The following PRKN variants were observed in gnomAD, a reference collection of about 807,000 sequenced individuals.
PRKN encodes the protein parkin RBR E3 ubiquitin protein ligase.
A neutral mutation model predicts 59.5 loss-of-function variants in PRKN; 56 were observed. That is an observed-to-expected ratio of 0.94 (90% CI 0.76 to 1.18). The LOEUF is 1.18. PRKN is among the 50% of genes most tolerant of loss of function. The pLI is 0.00. For missense variants in PRKN, 657 were observed against 596.4 expected (o/e 1.10, Z -1.06); for synonymous variants, 250 against 222.1 (o/e 1.13, Z -1.12).
At chr6:161,832,445 G>C (rs151164836) in intron 6 of PRKN, among the ~76,000 whole-genome samples, 85 of 152,022 alleles carry the variant, frequency 5.6e-4, no homozygotes, top group African/African-American at 2.0e-3. Flanking sequence ...CCAACATGGT[G>C]AAACCTCGTC....
chr6:161,777,785 GTA>G (rs1229871705), intron 7 of PRKN, among the ~76,000 whole-genome samples: 3 of 120,086 alleles, frequency 2.5e-5, no homozygotes, highest in South Asian at 2.8e-4. Context: ...ATATGTATAT[GTA>G]TATATGATAT....
intron 2 of PRKN, among the ~76,000 whole-genome samples, chr6:162,292,487 G>A (rs2128109790): frequency 6.6e-6 from 1 of 152,232 alleles, no homozygotes; most frequent in African/African-American, 2.4e-5. Context: ...AAAAATCCCA[G>A]GCAAACAGAG....
At chr6:162,393,289 G>A (rs9347629) in intron 2 of PRKN, among the ~76,000 whole-genome samples, 63,772 of 150,582 alleles carry the variant, frequency 0.42, 14,174 homozygotes, top group East Asian at 0.71. Flanking sequence ...TCCCCTGAGT[G>A]GCTGGGATTA....
At chr6:162,125,824 G>C (rs1781102335) in intron 4 of PRKN, among the ~76,000 whole-genome samples, 1 of 152,192 alleles carries the variant, frequency 6.6e-6, no homozygotes, top group Non-Finnish European at 1.5e-5. Context: ...GTAAATGGCT[G>C]TTTGATGGCT....
At chr6:161,781,876 C>T (rs1790220610) in intron 7 of PRKN, among the ~76,000 whole-genome samples, 1 of 152,176 alleles carries the variant, frequency 6.6e-6, no homozygotes. Flanking sequence ...AATAACATTT[C>T]TCAAATATAT....
At chr6:161,938,476 A>G (rs1002498328) in intron 6 of PRKN, among the ~76,000 whole-genome samples, 1 of 152,238 alleles carries the variant, frequency 6.6e-6, no homozygotes, top group Non-Finnish European at 1.5e-5. Flanking sequence ...TGGAAGAAGT[A>G]AAGTCAAGGA....
At position 162,016,150 on chromosome 6, in the gene PRKN, T is replaced by TA. The variant is rs1423698887; in HGVS notation, c.618+37940dup. On this transcript the variant is annotated intron_variant, in intron 5 of 11. Transcript: ENST00000366898. ...TGGGACTAATTCTTGTTTAAAATAA[T>TA]AATAAAAAAAAACTGAATCCATAGC... Among the ~76,000 whole-genome samples the TA allele has an allele frequency of 4.1e-5, 3 of 72,592 alleles. No homozygotes were observed. In the East Asian group the frequency reaches 1.4e-3, roughly 33 times the overall value. 47.6% of individuals were successfully genotyped at this position (72,592 alleles called of 152,430 possible).
intron 7 of PRKN, among the ~76,000 whole-genome samples, chr6:161,617,978 A>G (rs1782757509): frequency 6.6e-6 from 1 of 152,210 alleles, no homozygotes; most frequent in Admixed American, 6.5e-5. Flanking sequence ...CCTAAATCTG[A>G]CCAAAATGTG....
rs191631416 is a variant in PRKN, at chr6:161,484,017, C to T, written c.1083+64837G>A. Among the ~76,000 whole-genome samples, 78 of 152,074 alleles carry T rather than the reference C, an allele frequency of 5.1e-4. 1 individual carries two copies. The highest frequency in any genetic ancestry group is 1.7e-3 in the African/African-American group (71 of 41,478). ...CATGGGGGAACAACACACACTGGGG[C>T]CTGCTGGGGGGTTGTGGGGAGGGAG... On this transcript the variant is annotated intron_variant, in intron 9 of 11. Transcript: ENST00000366898. This position sits in a 1 kb window ranked among gnomAD's most constrained non-coding sequence, Gnocchi z 4.9.
At chr6:162,464,608 G>A (rs909600321) in intron 1 of PRKN, among the ~76,000 whole-genome samples, 5 of 142,086 alleles carry the variant, frequency 3.5e-5, no homozygotes, top group African/African-American at 1.3e-4. Context: ...GAGGTCAGGA[G>A]ATCAAGACCA....
chr6:162,242,272 C>T (rs1024276215), intron 3 of PRKN, among the ~76,000 whole-genome samples: 13 of 152,028 alleles, frequency 8.6e-5, no homozygotes, highest in Admixed American at 2.0e-4. Flanking sequence ...CCAGGAGGTG[C>T]GGGTCCCTTT....
intron 1 of PRKN, among the ~76,000 whole-genome samples, chr6:162,486,469 G>T (rs1359944099): frequency 6.6e-6 from 1 of 152,104 alleles, no homozygotes; most frequent in Non-Finnish European, 1.5e-5. Context: ...GGCCATTCCA[G>T]TTGTCTCTGT....
At chr6:162,323,535 T>C (rs1003769812) in intron 2 of PRKN, among the ~76,000 whole-genome samples, 1 of 151,970 alleles carries the variant, frequency 6.6e-6, no homozygotes, top group African/African-American at 2.4e-5. Context: ...AGGATATATA[T>C]AAAAATTTTC....
At chr6:162,152,671 G>A (rs1447018019) in intron 4 of PRKN, among the ~76,000 whole-genome samples, 1 of 152,202 alleles carries the variant, frequency 6.6e-6, no homozygotes, top group African/African-American at 2.4e-5. Flanking sequence ...CAAGGTGACG[G>A]TGAGGACACA....
chr6:161,535,584 T>C (rs987946890), intron 9 of PRKN, among the ~76,000 whole-genome samples: 4 of 152,228 alleles, frequency 2.6e-5, no homozygotes, highest in African/African-American at 9.6e-5. Flanking sequence ...AATACAGATA[T>C]TTCCCAACTG....
chr6:162,191,933 C>T (rs1784294026), intron 4 of PRKN, among the ~76,000 whole-genome samples: 2 of 152,144 alleles, frequency 1.3e-5, no homozygotes, highest in South Asian at 4.2e-4. Flanking sequence ...GTGTGAGTGC[C>T]TGATCCCTGC....
At chr6:161,756,517 C>G (rs964959048) in intron 7 of PRKN, among the ~76,000 whole-genome samples, 20 of 139,566 alleles carry the variant, frequency 1.4e-4, no homozygotes, top group African/African-American at 5.1e-4. Flanking sequence ...CCAAATTATT[C>G]TTTCTTTAGA....
At chr6:162,245,624 C>T (rs1289457367) in intron 3 of PRKN, among the ~76,000 whole-genome samples, 1 of 152,074 alleles carries the variant, frequency 6.6e-6, no homozygotes, top group East Asian at 1.9e-4. Flanking sequence ...GGAAGTTTGC[C>T]TCATGGACTA....
chr6:162,291,499 C>A (rs1781425800), intron 2 of PRKN, among the ~76,000 whole-genome samples: 1 of 152,230 alleles, frequency 6.6e-6, no homozygotes, highest in Non-Finnish European at 1.5e-5. Flanking sequence ...TATTACCAAC[C>A]CAGTATCCCT....
Sources: gnomAD v4.1 joint callset for allele counts (sites outside exome capture counted in the v4.1 genomes callset) on GRCh38, gnomAD v4.1.1 for gene constraint, Gnocchi (gnomAD v3.1) non-coding constraint, MANE v1.5 for transcripts, NCBI Gene and HGNC (gene_info 2026-07-23, HGNC 2026-07-21) for gene names.